ITFG1: variants seen among roughly 807,000 people sequenced by gnomAD.
ITFG1 encodes integrin alpha FG-GAP repeat containing 1.
In ITFG1, 34 loss-of-function variants were observed where a neutral mutation model predicts 81.8. The observed-to-expected ratio is 0.42, with a 90% CI of 0.32 to 0.55. The LOEUF is 0.55. Among genes scored for constraint, ITFG1 ranks in the 20% least tolerant of loss-of-function variants. The pLI is 0.17. For synonymous variants in ITFG1, 285 were observed against 270.6 expected, an observed-to-expected ratio of 1.05 and a Z score of -0.52; for missense variants, 672 against 755.4, an observed-to-expected ratio of 0.89 and a Z score of 1.29.
intron 14 of ITFG1, among the ~76,000 whole-genome samples, chr16:47,184,842 TAA>T (rs1442678245): frequency 1.3e-5 from 2 of 152,036 alleles, no homozygotes; most frequent in Non-Finnish European, 2.9e-5. Flanking sequence ...GCAAATTGGA[TAA>T]AGAGTCAAGA....
intron 6 of ITFG1, among the ~76,000 whole-genome samples, chr16:47,384,754 C>T (rs750455994): frequency 6.6e-5 from 10 of 152,154 alleles, no homozygotes; most frequent in East Asian, 1.9e-4. Flanking sequence ...TCTCTGACTG[C>T]GTGGCAGTCA....
intron 14 of ITFG1, among the ~76,000 whole-genome samples, chr16:47,205,420 C>T (rs1355374243): frequency 6.6e-6 from 1 of 152,158 alleles, no homozygotes; most frequent in Non-Finnish European, 1.5e-5. Flanking sequence ...AATTTTCAGA[C>T]TCAGATTCTT....
At chr16:47,293,564 T>C (rs1427782767) in intron 10 of ITFG1, among the ~76,000 whole-genome samples, 1 of 152,108 alleles carries the variant, frequency 6.6e-6, no homozygotes, top group African/African-American at 2.4e-5. Flanking sequence ...TGTAGGATGA[T>C]GTCTCATTGT....
chr16:47,202,842 G>T (rs1383399130), intron 14 of ITFG1, among the ~76,000 whole-genome samples: 1 of 152,122 alleles, frequency 6.6e-6, no homozygotes, highest in Non-Finnish European at 1.5e-5. Context: ...CTGCCAAAAA[G>T]TAAAAATAAC....
rs572311267 is a variant in ITFG1 at position 47,260,291 on chromosome 16, A to G, written c.1221+254T>C. On this transcript the variant is annotated intron_variant, in intron 11 of 17. Transcript: ENST00000320640. ...CATTCAGGTCTGCCAGTCTTAGAGC[A>G]TGATGCTTTAGTGGTTTAATCCAAA... Among the ~76,000 whole-genome samples the G allele has an allele frequency of 5.4e-4, 82 of 152,290 alleles. 1 individual carries two copies. The highest frequency in any genetic ancestry group is 1.9e-3 in the African/African-American group (81 of 41,568).
intron 14 of ITFG1, among the ~76,000 whole-genome samples, chr16:47,188,405 C>A (rs1042804899): frequency 2.0e-5 from 3 of 150,770 alleles, no homozygotes; most frequent in Admixed American, 6.6e-5. Context: ...AAATGTGGCA[C>A]ATATACACCA....
intron 10 of ITFG1, among the ~76,000 whole-genome samples, chr16:47,291,011 T>A (rs1966898397): frequency 3.8e-3 from 1 of 262 alleles, no homozygotes; most frequent in Non-Finnish European, 4.9e-3. Flanking sequence ...TGGTGAATAT[T>A]GTCCTGTGGC....
chr16:47,335,045 C>A (rs778000821), intron 8 of ITFG1, among the ~76,000 whole-genome samples: 13 of 152,124 alleles, frequency 8.5e-5, no homozygotes. Context: ...AAAAATTACA[C>A]ATACATGCTT....
At chr16:47,345,821 C>T (rs1379384349) in intron 8 of ITFG1, among the ~76,000 whole-genome samples, 1 of 152,112 alleles carries the variant, frequency 6.6e-6, no homozygotes, top group Admixed American at 6.5e-5. Context: ...ATATGCGGTC[C>T]GTGGTTGACC....
At chr16:47,418,919 T>C (rs950150609) in intron 6 of ITFG1, among the ~76,000 whole-genome samples, 1 of 152,244 alleles carries the variant, frequency 6.6e-6, no homozygotes. Flanking sequence ...TTTTTCCTAT[T>C]TCTGTGAAGA....
chr16:47,270,748 TGTAAAACCA>T, intron 10 of ITFG1, among the ~76,000 whole-genome samples: 2 of 152,214 alleles, frequency 1.3e-5, no homozygotes, highest in Non-Finnish European at 2.9e-5. Context: ...TAAAGATACA[TGTAAAACCA>T]TGGATAAATC....
chr16:47,414,112 C>T (rs528842118), intron 6 of ITFG1, among the ~76,000 whole-genome samples: 4 of 152,172 alleles, frequency 2.6e-5, no homozygotes, highest in East Asian at 3.9e-4. Context: ...TGAGCCACCA[C>T]GCCCAGCCGA....
rs140770198 is a variant in ITFG1, at chr16:47,208,587, T to A, written c.1453+10281A>T. On this transcript the variant is annotated intron_variant, in intron 14 of 17. Coordinates refer to ENST00000320640, the MANE Select transcript of ITFG1 (RefSeq NM_030790.5). ...TACTTTAATTGTATCGCTTTTATCT[T>A]AGAAGTCAAATATTAATATTTTCTG... 1.0e-3 allele frequency among the ~76,000 whole-genome samples: 154 copies of A among 152,296 alleles called. 1 individual carries two copies. Among genetic ancestry groups the A allele is most frequent in the Middle Eastern group, 6.8e-3 (2 of 294 alleles).
intron 6 of ITFG1, among the ~76,000 whole-genome samples, chr16:47,397,578 G>A (rs960730543): frequency 1.3e-5 from 2 of 152,126 alleles, no homozygotes; most frequent in Non-Finnish European, 2.9e-5. Context: ...AGACATTTTT[G>A]GTTGCTACAG....
chr16:47,245,349 C>CAA (rs113161127), intron 12 of ITFG1, among the ~76,000 whole-genome samples: 1 of 141,346 alleles, frequency 7.1e-6, no homozygotes, highest in African/African-American at 2.6e-5. Context: ...AACTCTGTCT[C>CAA]AAAAAAAAAA....
chr16:47,173,990 A>C (rs1249311053), intron 14 of ITFG1, among the ~76,000 whole-genome samples: 2 of 152,218 alleles, frequency 1.3e-5, no homozygotes, highest in Non-Finnish European at 2.9e-5. Flanking sequence ...TAGTGAGCTG[A>C]GATTGTGCCA....
intron 14 of ITFG1, among the ~76,000 whole-genome samples, chr16:47,183,012 G>A (rs1194896538): frequency 6.6e-6 from 1 of 152,176 alleles, no homozygotes; most frequent in African/African-American, 2.4e-5. Context: ...GGTGACAGAC[G>A]GCACCTGGAA....
chr16:47,348,001 C>T (rs921576083), intron 8 of ITFG1, among the ~76,000 whole-genome samples: 9 of 152,304 alleles, frequency 5.9e-5, no homozygotes, highest in Middle Eastern at 3.4e-3. Context: ...GCTGAGGGTC[C>T]AGAATGTTAA....
At chr16:47,292,621 T>C (rs1288236547) in intron 10 of ITFG1, among the ~76,000 whole-genome samples, 3 of 152,164 alleles carry the variant, frequency 2.0e-5, no homozygotes, top group Admixed American at 2.0e-4. Context: ...ATAGTGTACA[T>C]TGAACCCATT....
Sources: gnomAD v4.1 joint callset for allele counts (sites outside exome capture counted in the v4.1 genomes callset) on GRCh38, gnomAD v4.1.1 for gene constraint, MANE v1.5 for transcripts, NCBI Gene and HGNC (gene_info 2026-07-23, HGNC 2026-07-21) for gene names.